The following WWP1 variants were observed in gnomAD, a reference collection of about 807,000 sequenced individuals.
The protein encoded by WWP1 is NEDD4-like E3 ubiquitin-protein ligase WWP1.
A neutral mutation model predicts 130.6 loss-of-function variants in WWP1; 49 were observed. The ratio of observed to expected loss-of-function variants is 0.38; its 90% CI spans 0.30 to 0.48. The LOEUF (loss-of-function observed/expected upper bound fraction) is 0.48. Among genes scored for constraint, WWP1 ranks in the 20% least tolerant of loss-of-function variants. The pLI is 0.99. For synonymous variants in WWP1, 332 were observed against 367.8 expected (o/e 0.90, Z 1.11); for missense variants, 809 against 1,100.6 (o/e 0.74, Z 3.75).
intron 14 of WWP1, among the ~76,000 whole-genome samples, chr8:86,434,952 G>A (rs1204097610): frequency 6.6e-6 from 1 of 152,168 alleles, no homozygotes; most frequent in African/African-American, 2.4e-5. Context: ...ATTCCTAGGT[G>A]CCGTGCCACC....
At chr8:86,360,166 C>A (rs1036025141) in intron 1 of WWP1, among the ~76,000 whole-genome samples, 4 of 151,796 alleles carry the variant, frequency 2.6e-5, no homozygotes, top group Non-Finnish European at 4.4e-5. Flanking sequence ...AAAACCAAAC[C>A]AAACCAATCC....
chr8:86,372,386 C>T (rs1033067750), intron 2 of WWP1, among the ~76,000 whole-genome samples: 1 of 152,168 alleles, frequency 6.6e-6, no homozygotes, highest in Non-Finnish European at 1.5e-5. Flanking sequence ...TCTTGAACTC[C>T]TGACCTCAGG....
intron 14 of WWP1, among the ~76,000 whole-genome samples, chr8:86,433,949 A>G (rs1440732281): frequency 1.3e-5 from 2 of 152,034 alleles, no homozygotes; most frequent in African/African-American, 2.4e-5. Flanking sequence ...AATCATCCAC[A>G]ACTCCTCTAT....
intron 1 of WWP1, among the ~76,000 whole-genome samples, chr8:86,356,028 A>G (rs1424796841): frequency 6.6e-6 from 1 of 152,228 alleles, no homozygotes; most frequent in African/African-American, 2.4e-5. Flanking sequence ...TAATGGGACT[A>G]ATAATGATGA....
At chr8:86,442,284 A>G (rs1296107283) in intron 17 of WWP1, 2 of 164,558 alleles carry the variant, frequency 1.2e-5, no homozygotes, top group Non-Finnish European at 2.6e-5. Flanking sequence ...TATTAATACA[A>G]ATACACTGGA....
chr8:86,365,712 C>G (rs1164725498), intron 1 of WWP1, among the ~76,000 whole-genome samples: 1 of 152,124 alleles, frequency 6.6e-6, no homozygotes, highest in Non-Finnish European at 1.5e-5. Context: ...CCTGTAATCC[C>G]AGCACTTTGG....
chr8:86,403,192 G>A (rs548071945), intron 8 of WWP1, among the ~76,000 whole-genome samples: 118 of 152,298 alleles, frequency 7.7e-4, no homozygotes, highest in African/African-American at 2.8e-3. Flanking sequence ...ATTCAAGAGC[G>A]TATGTTCCTC....
Position 86,448,456 on chromosome 8 carries a change from T to G in WWP1, c.2216T>G (p.Leu739Arg). The change falls in exon 20 of 25, where the codon CTG becomes CGG. Residue 739 changes from leucine to arginine, a missense_variant. Physicochemically the swap from Leu to Arg is moderately radical, Grantham distance 102 (BLOSUM62 -2). Coordinates refer to ENST00000517970, the MANE Select transcript of WWP1 (RefSeq NM_007013.4). ...TTGGGAAAAGTTACTTCACATGACCTGAAGTTGGGAGGTTCCAATATTCTG... is the reference window on the plus strand; with the variant it reads ...TTGGGAAAAGTTACTTCACATGACCGGAAGTTGGGAGGTTCCAATATTCTG... ...EILGKVTSHD[L>R]KLGGSNILVT... The G allele has an allele frequency of 6.2e-7, 1 of 1,613,860 alleles. No homozygotes were observed. Among genetic ancestry groups the G allele is most frequent in the Non-Finnish European group, 8.5e-7 (1 of 1,179,896 alleles).
intron 5 of WWP1, among the ~76,000 whole-genome samples, chr8:86,396,115 T>C (rs1159715305): frequency 1.3e-5 from 2 of 152,068 alleles, no homozygotes; most frequent in African/African-American, 4.8e-5. Flanking sequence ...TTTTTTTTTT[T>C]TGAGATGGAG....
At chr8:86,357,642 A>T (rs1823339477) in intron 1 of WWP1, among the ~76,000 whole-genome samples, 1 of 152,246 alleles carries the variant, frequency 6.6e-6, no homozygotes. Flanking sequence ...TCAGTGAGAT[A>T]AATAAAGCTG....
intron 8 of WWP1, among the ~76,000 whole-genome samples, chr8:86,403,952 A>G (rs1406144946): frequency 6.6e-6 from 1 of 152,204 alleles, no homozygotes; most frequent in East Asian, 1.9e-4. Flanking sequence ...GCAAAGCAGA[A>G]AAGGAAATAT....
chr8:86,360,680 G>A (rs1025669476), intron 1 of WWP1, among the ~76,000 whole-genome samples: 1 of 152,216 alleles, frequency 6.6e-6, no homozygotes, highest in Non-Finnish European at 1.5e-5. Flanking sequence ...AGACTCTGGC[G>A]TAGGTTCTAG....
intron 1 of WWP1, among the ~76,000 whole-genome samples, chr8:86,349,740 G>A (rs1822809047): frequency 6.6e-6 from 1 of 151,818 alleles, no homozygotes; most frequent in Non-Finnish European, 1.5e-5. Context: ...CACCATAATA[G>A]GGTAGGATTG....
At chr8:86,440,596 C>T (rs1222142672) in intron 17 of WWP1, 1 of 429,088 alleles carries the variant, frequency 2.3e-6, no homozygotes, top group Admixed American at 2.7e-5. Flanking sequence ...TCAATAATTT[C>T]ACTGTTGATT....
intron 8 of WWP1, among the ~76,000 whole-genome samples, chr8:86,404,156 G>T (rs960426327): frequency 6.6e-6 from 1 of 152,122 alleles, no homozygotes; most frequent in South Asian, 2.1e-4. Flanking sequence ...TGAATTTTTG[G>T]ATTAGGGATG....
intron 5 of WWP1, among the ~76,000 whole-genome samples, chr8:86,392,543 A>G (rs1005946416): frequency 6.6e-6 from 1 of 152,208 alleles, no homozygotes; most frequent in Non-Finnish European, 1.5e-5. Context: ...TTCGAAGTAA[A>G]TTATGTCCAA....
At chr8:86,395,513 G>C (rs1254642659) in intron 5 of WWP1, among the ~76,000 whole-genome samples, 1 of 152,132 alleles carries the variant, frequency 6.6e-6, no homozygotes, top group Non-Finnish European at 1.5e-5. Context: ...GAAAAGTCAT[G>C]CCTGGTGACC....
intron 9 of WWP1, among the ~76,000 whole-genome samples, chr8:86,423,063 ATTTTTTTT>A (rs200170387): frequency 2.1e-5 from 3 of 140,596 alleles, no homozygotes; most frequent in Non-Finnish European, 3.1e-5. Flanking sequence ...AGGTTTCTTC[ATTTTTTTT>A]TTTTTTTTGG....
At chr8:86,348,049 T>A (rs866658212) in intron 1 of WWP1, among the ~76,000 whole-genome samples, 1 of 152,106 alleles carries the variant, frequency 6.6e-6, no homozygotes, top group East Asian at 1.9e-4. Flanking sequence ...CCCAAAGATA[T>A]TAAAAAGCCC....
Sources: gnomAD v4.1 joint callset for allele counts (sites outside exome capture counted in the v4.1 genomes callset) on GRCh38, gnomAD v4.1.1 for gene constraint, MANE v1.5 for transcripts, NCBI Gene and HGNC (gene_info 2026-07-23, HGNC 2026-07-21) for gene names.